Variants in B3GALT1 observed in about 807,000 individuals in gnomAD.
B3GALT1 encodes the protein beta-1,3-galactosyltransferase 1.
B3GALT1 carries 10 observed loss-of-function variants against 23.2 expected under a neutral mutation model. The ratio of observed to expected loss-of-function variants is 0.43; its 90% confidence interval spans 0.27 to 0.73. The LOEUF is 0.73. Ranked by LOEUF, B3GALT1 falls within the 30% of genes least tolerant of loss-of-function variation. B3GALT1 has a pLI of 0.21. For missense variants in B3GALT1, 299 were observed against 405.4 expected (o/e 0.74, Z 2.25); for synonymous variants, 156 against 141.5 (o/e 1.10, Z -0.73).
At chr2:167,838,633 T>G (rs1320563658) in intron 4 of B3GALT1, among the ~76,000 whole-genome samples, 1 of 152,288 alleles carries the variant, frequency 6.6e-6, no homozygotes, top group Non-Finnish European at 1.5e-5. Context: ...TCTGAAACTA[T>G]TCCAATCAAT....
intron 2 of B3GALT1, among the ~76,000 whole-genome samples, chr2:167,544,056 A>G (rs553022436): frequency 5.0e-4 from 76 of 152,330 alleles, no homozygotes; most frequent in Non-Finnish European, 9.8e-4. Flanking sequence ...GCAACAGGTG[A>G]AAAGCAATAT....
chr2:167,302,733 A>T (rs571451576), intron 1 of B3GALT1, among the ~76,000 whole-genome samples: 322 of 152,296 alleles, frequency 2.1e-3, no homozygotes, highest in Non-Finnish European at 4.1e-3. Context: ...TTAAATTGAG[A>T]CAATATGAGC....
chr2:167,324,687 A>C (rs1259100605), intron 1 of B3GALT1, among the ~76,000 whole-genome samples: 2 of 152,006 alleles, frequency 1.3e-5, no homozygotes, highest in South Asian at 2.1e-4. Flanking sequence ...GGTCTCTGTC[A>C]CCTCTTTATC....
chr2:167,492,930 G>A (rs2105343407), intron 2 of B3GALT1, among the ~76,000 whole-genome samples: 1 of 151,628 alleles, frequency 6.6e-6, no homozygotes, highest in Admixed American at 6.6e-5. Context: ...ATAGAAAGAG[G>A]TCATAATAGG....
At chr2:167,450,586 C>T (rs11886789) in intron 1 of B3GALT1, among the ~76,000 whole-genome samples, 4,688 of 152,250 alleles carry the variant, frequency 0.031, 226 homozygotes, top group African/African-American at 0.11. Context: ...TAGATTTTCT[C>T]TGTAGGTTAC....
intron 3 of B3GALT1, among the ~76,000 whole-genome samples, chr2:167,718,246 C>T (rs1370563781): frequency 6.6e-6 from 1 of 151,138 alleles, no homozygotes; most frequent in Non-Finnish European, 1.5e-5. Flanking sequence ...TGTGGATTAA[C>T]GGTTATTAAA....
In B3GALT1 at chr2:167,450,234, TG is replaced by T. The variant is rs763821010; in HGVS notation, c.-510-39942del. On this transcript the variant is annotated intron_variant, in intron 1 of 4. Coordinates refer to ENST00000392690, the MANE Select transcript of B3GALT1 (RefSeq NM_020981.4). ...CCTTGTCCTGGAATATTTTTTTTTT[TG>T]TTGGCAATTTTTTTTATTACCTTTT... 2.1e-5 allele frequency among the ~76,000 whole-genome samples: 3 copies of T among 146,326 alleles called. No homozygotes were observed. In the East Asian group the frequency reaches 6.1e-4, roughly 30 times the overall value.
At chr2:167,356,115 G>C (rs1449860893) in intron 1 of B3GALT1, among the ~76,000 whole-genome samples, 1 of 152,172 alleles carries the variant, frequency 6.6e-6, no homozygotes, top group Non-Finnish European at 1.5e-5. Context: ...TGGCAAGATA[G>C]TTACTACCCT....
chr2:167,437,112 G>C (rs1437150017), intron 1 of B3GALT1, among the ~76,000 whole-genome samples: 1 of 152,138 alleles, frequency 6.6e-6, no homozygotes, highest in East Asian at 1.9e-4. Flanking sequence ...GGTGACAGCT[G>C]TGGATTTCTG....
intron 4 of B3GALT1, among the ~76,000 whole-genome samples, chr2:167,828,525 A>G (rs915444334): frequency 6.6e-6 from 1 of 152,204 alleles, no homozygotes; most frequent in African/African-American, 2.4e-5. Flanking sequence ...CATGGCTCCT[A>G]TATTCCCAAC....
At chr2:167,609,904 G>A (rs1277307783) in intron 2 of B3GALT1, among the ~76,000 whole-genome samples, 1 of 152,072 alleles carries the variant, frequency 6.6e-6, no homozygotes, top group East Asian at 1.9e-4. Context: ...CGAAGGTATT[G>A]TGGGGCTAAT....
chr2:167,564,195 C>T (rs554466079), intron 2 of B3GALT1, among the ~76,000 whole-genome samples: 1 of 149,530 alleles, frequency 6.7e-6, no homozygotes, highest in Non-Finnish European at 1.5e-5. Flanking sequence ...ACGGGGCGGC[C>T]GGGCAGAGAC....
chr2:167,559,726 G>C (rs2105387369), intron 2 of B3GALT1, among the ~76,000 whole-genome samples: 1 of 152,274 alleles, frequency 6.6e-6, no homozygotes, highest in Non-Finnish European at 1.5e-5. Context: ...CGAAATGAAT[G>C]AAATGAAGCG....
At chr2:167,401,062 C>G (rs1370031112) in intron 1 of B3GALT1, among the ~76,000 whole-genome samples, 4 of 151,996 alleles carry the variant, frequency 2.6e-5, no homozygotes, top group African/African-American at 9.7e-5. Flanking sequence ...TAGAAATCAT[C>G]ATTATTTTTA....
chr2:167,413,590 T>C (rs1345331560), intron 1 of B3GALT1, among the ~76,000 whole-genome samples: 1 of 152,020 alleles, frequency 6.6e-6, no homozygotes, highest in South Asian at 2.1e-4. Flanking sequence ...GTTCATCTAC[T>C]GTTCATTTTT....
At chr2:167,717,521 A>T (rs1281789985) in intron 3 of B3GALT1, among the ~76,000 whole-genome samples, 1 of 152,084 alleles carries the variant, frequency 6.6e-6, no homozygotes, top group African/African-American at 2.4e-5. Flanking sequence ...TATTAAAAGT[A>T]CTTTCCTTTG....
At chr2:167,568,488 A>T (rs147958570) in intron 2 of B3GALT1, among the ~76,000 whole-genome samples, 4 of 152,156 alleles carry the variant, frequency 2.6e-5, no homozygotes, top group African/African-American at 9.6e-5. Context: ...ATGACACATG[A>T]TGTGGAGCAT....
chr2:167,820,124 G>A (rs2105364119), intron 4 of B3GALT1, among the ~76,000 whole-genome samples: 1 of 152,286 alleles, frequency 6.6e-6, no homozygotes, highest in East Asian at 1.9e-4. Context: ...GGGTACTTTT[G>A]AGAACAGCTT....
chr2:167,647,838 A>C (rs1473260560), intron 3 of B3GALT1, among the ~76,000 whole-genome samples: 2 of 151,856 alleles, frequency 1.3e-5, no homozygotes, highest in East Asian at 1.9e-4. Context: ...GGTACATGAG[A>C]TGTTTTGATT....
Sources: gnomAD v4.1 joint callset for allele counts (sites outside exome capture counted in the v4.1 genomes callset) on GRCh38, gnomAD v4.1.1 for gene constraint, MANE v1.5 for transcripts, NCBI Gene and HGNC (gene_info 2026-07-23, HGNC 2026-07-21) for gene names.